The following SEC22A variants were observed in gnomAD, a reference collection of about 807,000 sequenced individuals.
The protein encoded by SEC22A is SEC22 homolog A, vesicle trafficking protein.
Under a neutral mutation model 35.3 loss-of-function variants are expected in SEC22A, and 22 were observed. The observed-to-expected ratio is 0.62, with a 90% CI of 0.45 to 0.89. SEC22A has a LOEUF of 0.89. Ranked by LOEUF, SEC22A falls within the 40% of genes least tolerant of loss-of-function variation. The pLI is 0.00. For missense variants in SEC22A, 354 were observed against 362.5 expected (o/e 0.98, Z 0.19); for synonymous variants, 119 against 129.5 (o/e 0.92, Z 0.55).
At chr3:123,246,274 G>C (rs1442667245) in intron 5 of SEC22A, among the ~76,000 whole-genome samples, 1 of 152,202 alleles carries the variant, frequency 6.6e-6, no homozygotes, top group East Asian at 1.9e-4. Flanking sequence ...CATAGGCCTT[G>C]CAGTCTCATA....
At chr3:123,262,257 T>G (rs1349712190) in intron 6 of SEC22A, among the ~76,000 whole-genome samples, 1 of 152,232 alleles carries the variant, frequency 6.6e-6, no homozygotes. Flanking sequence ...AGGATTAATC[T>G]TGATATGGAA....
At chr3:123,234,880 A>G (rs867599455) in intron 4 of SEC22A, among the ~76,000 whole-genome samples, 38 of 151,976 alleles carry the variant, frequency 2.5e-4, no homozygotes, top group South Asian at 4.2e-4. Context: ...AAAATTATCC[A>G]GGCGTGGTGG....
At chr3:123,267,357 T>C (rs945423709) in intron 6 of SEC22A, among the ~76,000 whole-genome samples, 1 of 152,110 alleles carries the variant, frequency 6.6e-6, no homozygotes, top group Non-Finnish European at 1.5e-5. Context: ...TTATCTGTAG[T>C]ATTTTTTAGT....
At chr3:123,269,215 G>GTGTGTGTGTGTGTATATATATATA (rs10642998) in intron 6 of SEC22A, among the ~76,000 whole-genome samples, 1 of 136,782 alleles carries the variant, frequency 7.3e-6, no homozygotes, top group East Asian at 2.0e-4. Flanking sequence ...GTGTGTGTGT[G>GTGTGTGTGTGTGTATATATATATA]TATATATTAC....
At chr3:123,253,671 C>A (rs1937651706) in intron 5 of SEC22A, among the ~76,000 whole-genome samples, 1 of 149,456 alleles carries the variant, frequency 6.7e-6, no homozygotes, top group African/African-American at 2.5e-5. Flanking sequence ...GAAGATTGTG[C>A]CATTGCACTC....
At chr3:123,258,787 G>A (rs6773976) in intron 5 of SEC22A, among the ~76,000 whole-genome samples, 29,741 of 151,664 alleles carry the variant, frequency 0.2, 3,025 homozygotes, top group Middle Eastern at 0.27. Flanking sequence ...AAAAAAAAAT[G>A]TAATGCTCCT....
rs1439551288 is a variant in SEC22A at position 123,273,712 on chromosome 3, G to A, written c.*1990G>A. 1.3e-5 allele frequency: 2 copies of A among 152,344 alleles called. No individual in the cohort carries two copies. Among genetic ancestry groups the A allele is most frequent in the East Asian group, 3.8e-4 (2 of 5,200 alleles). 9.4% of individuals were successfully genotyped at this position (152,344 alleles called of 1,614,324 possible). On this transcript the variant is annotated 3_prime_UTR_variant, in exon 7 of 7. Coordinates refer to ENST00000492595, the MANE Select transcript of SEC22A (RefSeq NM_012430.5). ...AGTCCCAGCTACTCGGGAGGCTGAG[G>A]CAGGAGAATCGCTTGAACCCAGGAG...
chr3:123,219,661 G>A (rs1403369414), intron 2 of SEC22A, among the ~76,000 whole-genome samples: 2 of 152,166 alleles, frequency 1.3e-5, no homozygotes, highest in Non-Finnish European at 2.9e-5. Flanking sequence ...AGTAAACTAC[G>A]TGGTGCTATT....
chr3:123,259,482 T>C (rs750366865), intron 5 of SEC22A, 42 bp from the exon 6 acceptor site: 19 of 1,392,138 alleles, frequency 1.4e-5, no homozygotes, highest in Admixed American at 1.1e-4. Flanking sequence ...GGAAATGGGC[T>C]CCCACCGGAA....
chr3:123,206,814 G>A lies in SEC22A; in HGVS notation c.-19-2385G>A, dbSNP rs1052276616. On this transcript the variant is annotated intron_variant, in intron 1 of 6. Transcript: ENST00000492595. Reference sequence around the variant, plus strand: ...CTTTAAATGAATGGAGAGGCTGGGCGTGGTAGCTCATGCCTGTAATCCTAG... The same window carrying A: ...CTTTAAATGAATGGAGAGGCTGGGCATGGTAGCTCATGCCTGTAATCCTAG... 9.2e-5 allele frequency among the ~76,000 whole-genome samples: 14 copies of A among 152,338 alleles called. No individual in the cohort carries two copies. In the East Asian group the frequency reaches 9.6e-4, roughly 10 times the overall value.
At chr3:123,269,179 ATG>A (rs200267944) in intron 6 of SEC22A, among the ~76,000 whole-genome samples, 6,555 of 120,594 alleles carry the variant, frequency 0.054, 428 homozygotes, top group African/African-American at 0.17. Flanking sequence ...AATTAAATAT[ATG>A]TGTGTGTGTG....
intron 1 of SEC22A, among the ~76,000 whole-genome samples, chr3:123,202,471 G>T (rs1936766304): frequency 6.6e-6 from 1 of 152,130 alleles, no homozygotes; most frequent in Admixed American, 6.5e-5. Context: ...TTTACGTTTT[G>T]TGGGGATGGA....
intron 5 of SEC22A, among the ~76,000 whole-genome samples, chr3:123,251,573 G>T (rs1156287580): frequency 6.6e-6 from 1 of 150,698 alleles, no homozygotes; most frequent in Non-Finnish European, 1.5e-5. Flanking sequence ...TTTAGTAGTT[G>T]AGGTTCCTGA....
At chr3:123,210,837 G>A (rs2108029814) in intron 2 of SEC22A, among the ~76,000 whole-genome samples, 1 of 152,286 alleles carries the variant, frequency 6.6e-6, no homozygotes, top group Middle Eastern at 3.4e-3. Context: ...ATAAGAGTTG[G>A]CTAAGGCAGG....
chr3:123,260,004 T>C (rs896285453), intron 6 of SEC22A, among the ~76,000 whole-genome samples: 6 of 151,728 alleles, frequency 4.0e-5, no homozygotes, highest in African/African-American at 1.5e-4. Context: ...TGGTGATGTG[T>C]GCCTGTAGTC....
chr3:123,247,713 A>G (rs1937578422), intron 5 of SEC22A, among the ~76,000 whole-genome samples: 1 of 152,166 alleles, frequency 6.6e-6, no homozygotes, highest in Non-Finnish European at 1.5e-5. Flanking sequence ...TATTAAACTA[A>G]TTACCACTTA....
At chr3:123,232,296 G>T (rs550856411) in intron 4 of SEC22A, among the ~76,000 whole-genome samples, 1 of 152,196 alleles carries the variant, frequency 6.6e-6, no homozygotes, top group South Asian at 2.1e-4. Context: ...AAATAAAAAG[G>T]ATTATAAAGA....
chr3:123,215,650 C>G (rs1193614137), intron 2 of SEC22A, among the ~76,000 whole-genome samples: 4 of 152,104 alleles, frequency 2.6e-5, no homozygotes, highest in African/African-American at 9.7e-5. Context: ...TGTAAAGGAG[C>G]TCCTTCAACG....
In SEC22A at chr3:123,220,873, TATATATAC is replaced by T. The variant is rs564735663; in HGVS notation, c.183-2678_183-2671del. ...TGGTCTTTAAAAAAGGTCTCATATA[TATATATAC>T]ATATATATATATATATGTCACATGT... On this transcript the variant is annotated intron_variant, in intron 2 of 6. Transcript: ENST00000492595. 1.4e-3 allele frequency among the ~76,000 whole-genome samples: 170 copies of T among 118,480 alleles called. 11 individuals are homozygous for T. Among genetic ancestry groups the T allele is most frequent in the Middle Eastern group, 4.3e-3 (1 of 232 alleles). The allele number at this position is 118,480 out of a possible 152,430, so 77.7% of individuals were successfully genotyped here.
Sources: allele counts gnomAD v4.1 joint callset (sites outside exome capture counted in the v4.1 genomes callset), GRCh38; gene constraint gnomAD v4.1.1; transcripts MANE v1.5; gene names NCBI Gene and HGNC (gene_info 2026-07-23, HGNC 2026-07-21).